Variants in CACNA2D2 observed in about 807,000 individuals in gnomAD.
CACNA2D2 encodes calcium voltage-gated channel auxiliary subunit alpha2delta 2, also known as voltage-dependent calcium channel subunit alpha-2/delta-2.
A neutral mutation model predicts 166.4 loss-of-function variants in CACNA2D2; 48 were observed. The ratio of observed to expected loss-of-function variants is 0.29; its 90% CI spans 0.23 to 0.37. CACNA2D2 has a LOEUF of 0.37. Ranked by LOEUF, CACNA2D2 falls within the 10% of genes least tolerant of loss-of-function variation. The pLI is 1.00. For synonymous variants in CACNA2D2, 561 were observed against 573.7 expected (o/e 0.98, Z 0.32); for missense variants, 1,122 against 1,433.0 (o/e 0.78, Z 3.50).
intron 2 of CACNA2D2, among the ~76,000 whole-genome samples, chr3:50,470,237 A>C (rs555138188): frequency 6.6e-6 from 1 of 152,292 alleles, no homozygotes; most frequent in South Asian, 2.1e-4. Context: ...CAATACCCTC[A>C]TTCCAGGGGG....
chr3:50,407,059 A>T (rs1706746786), intron 3 of CACNA2D2, among the ~76,000 whole-genome samples: 1 of 151,812 alleles, frequency 6.6e-6, no homozygotes, highest in South Asian at 2.1e-4. Flanking sequence ...TGCTTGATCT[A>T]GGTATCTGTG....
At chr3:50,490,887 C>T (rs1372926884) in intron 1 of CACNA2D2, among the ~76,000 whole-genome samples, 2 of 152,132 alleles carry the variant, frequency 1.3e-5, no homozygotes, top group Non-Finnish European at 2.9e-5. Flanking sequence ...CTGACCCAGA[C>T]AAGGAGGTCA....
chr3:50,379,873 G>C lies in CACNA2D2; in HGVS notation c.894-49C>G. 6.2e-7 allele frequency: 1 copy of C among 1,611,936 alleles called. No individual in the cohort carries two copies. The highest frequency in any genetic ancestry group is 8.5e-7 in the Non-Finnish European group (1 of 1,178,236). ...TGGAGGAGCCAGGGGAACCTCACGT[G>C]TTCTCCTGCCCATCCCCCAAGATGT... On this transcript the variant is annotated intron_variant, in intron 9 of 37. Coordinates refer to ENST00000424201, the MANE Select transcript of CACNA2D2 (RefSeq NM_006030.4). The surrounding 1 kb of genome is among the most constrained non-coding windows in gnomAD (Gnocchi z 6.5).
chr3:50,489,761 C>T (rs1698446422), intron 1 of CACNA2D2, among the ~76,000 whole-genome samples: 2 of 152,054 alleles, frequency 1.3e-5, no homozygotes, highest in Non-Finnish European at 2.9e-5. Flanking sequence ...GTGATCTCCC[C>T]AGGACCTCCA....
intron 2 of CACNA2D2, among the ~76,000 whole-genome samples, chr3:50,469,675 A>G (rs1231525341): frequency 1.3e-5 from 2 of 152,184 alleles, no homozygotes; most frequent in Non-Finnish European, 2.9e-5. Flanking sequence ...GAGGGAATCA[A>G]GGCTCAGAGA....
chr3:50,430,660 G>A (rs1241108593), intron 3 of CACNA2D2, among the ~76,000 whole-genome samples: 2 of 152,198 alleles, frequency 1.3e-5, no homozygotes, highest in South Asian at 2.1e-4. Context: ...TGATGAGGGG[G>A]TGGTCTTCCT....
In CACNA2D2 at chr3:50,379,191, G is replaced by A. The variant is rs768124649; in HGVS notation, c.1161C>T (p.Ile387=). The part of the protein sequence containing the change: ...YAFDQLQNSN[I]TRANCNKMIM... ...TCATCTTGTTGCAGTTGGCCCGAGT[G>A]ATGTTGGACTGAGGGGAGTGAGGCG... The change falls in exon 12 of 38, where the codon ATC becomes ATT. Residue 387 remains isoleucine, a synonymous_variant. Transcript: ENST00000424201. This position sits in a 1 kb window ranked among gnomAD's most constrained non-coding sequence, Gnocchi z 6.5. The A allele has an allele frequency of 6.2e-7, 1 of 1,613,342 alleles. No individual in the cohort carries two copies. Among genetic ancestry groups the A allele is most frequent in the African/African-American group, 1.3e-5 (1 of 74,910 alleles).
chr3:50,410,481 G>A (rs1338834772), intron 3 of CACNA2D2, among the ~76,000 whole-genome samples: 1 of 51,144 alleles, frequency 2.0e-5, no homozygotes, highest in Non-Finnish European at 3.5e-5. Flanking sequence ...TCCCTGGGAT[G>A]GGGGGGGGGG....
At chr3:50,462,101 C>T (rs9863307) in intron 2 of CACNA2D2, among the ~76,000 whole-genome samples, 14,748 of 152,126 alleles carry the variant, frequency 0.097, 2,089 homozygotes, top group African/African-American at 0.31. Flanking sequence ...AAACTAACAA[C>T]AGCTGGGCAC....
chr3:50,451,422 G>A (rs1023683170), intron 2 of CACNA2D2, among the ~76,000 whole-genome samples: 12 of 151,792 alleles, frequency 7.9e-5, no homozygotes, highest in African/African-American at 2.2e-4. Flanking sequence ...CAACACGCAC[G>A]GCCCAGGGGC....
chr3:50,384,061 G>C, intron 6 of CACNA2D2, 135 bp downstream of exon 6: 1 of 1,082,514 alleles, frequency 9.2e-7, no homozygotes, highest in Non-Finnish European at 1.4e-6. Flanking sequence ...GAGGTGCGCA[G>C]GAGTAATCTC....
chr3:50,400,500 A>G (rs935030373), intron 3 of CACNA2D2, among the ~76,000 whole-genome samples: 1 of 152,190 alleles, frequency 6.6e-6, no homozygotes. Context: ...ATGTGCTCAG[A>G]GCTTTATGGA....
intron 1 of CACNA2D2, among the ~76,000 whole-genome samples, chr3:50,498,791 T>C (rs1012801778): frequency 1.3e-5 from 2 of 152,142 alleles, no homozygotes; most frequent in African/African-American, 4.8e-5. Flanking sequence ...TTCCCAGAGA[T>C]TCAGGCTTCA....
Position 50,367,473 on chromosome 3 carries a change from G to T in CACNA2D2, c.2322C>A (p.Asn774Lys), listed in dbSNP as rs768889618. 6.2e-7 allele frequency: 1 copy of T among 1,613,952 alleles called. No homozygotes were observed. The highest frequency in any genetic ancestry group is 8.5e-7 in the Non-Finnish European group (1 of 1,179,994). ...AGAAGCTGGCATTGAAGGGCTCAGGGTTCTCTGTCCAGTCCTCAGCTGCCC... is the reference window on the plus strand; with the variant it reads ...AGAAGCTGGCATTGAAGGGCTCAGGTTTCTCTGTCCAGTCCTCAGCTGCCC... ...PNKAAEDWTENPEPFNASFYR... is the reference protein window; with the variant it reads ...PNKAAEDWTEKPEPFNASFYR... Residue 774 changes from asparagine (N) to lysine (K), a missense_variant, in exon 27 of 38, where the codon AAC becomes AAA. Asn to Lys is a moderately conservative substitution (Grantham distance 94). This residue lies in a region of CACNA2D2 where 840 missense variants were observed against 1,166.8 expected (regional missense o/e 0.72). Coordinates refer to ENST00000424201, the MANE Select transcript of CACNA2D2 (RefSeq NM_006030.4). The surrounding 1 kb of genome is among the most constrained non-coding windows in gnomAD (Gnocchi z 6.5).
At chr3:50,386,268 G>A (rs1705601545) in intron 5 of CACNA2D2, among the ~76,000 whole-genome samples, 1 of 152,166 alleles carries the variant, frequency 6.6e-6, no homozygotes, top group African/African-American at 2.4e-5. Flanking sequence ...AGTTGAGGCT[G>A]CTGGAGGTAG....
At chr3:50,397,446 G>A (rs973217733) in intron 3 of CACNA2D2, among the ~76,000 whole-genome samples, 4 of 152,154 alleles carry the variant, frequency 2.6e-5, no homozygotes, top group African/African-American at 9.7e-5. Flanking sequence ...GCCTGAGGAT[G>A]AGAGGACTGG....
intron 15 of CACNA2D2, 98 bp downstream of exon 15, chr3:50,377,910 G>A: frequency 6.7e-7 from 1 of 1,497,642 alleles, no homozygotes; most frequent in Non-Finnish European, 9.2e-7. Flanking sequence ...CCTGTGCTTG[G>A]TTTACCCCAT....
chr3:50,476,007 C>CCA (rs1375183078), intron 2 of CACNA2D2, 111 bp downstream of exon 2: 36 of 941,110 alleles, frequency 3.8e-5, no homozygotes, highest in Admixed American at 2.1e-5. Context: ...TCAGGTCCCA[C>CCA]CACACCAGGA....
intron 3 of CACNA2D2, among the ~76,000 whole-genome samples, chr3:50,397,759 TTA>T (rs1256274355): frequency 1.3e-5 from 2 of 152,192 alleles, no homozygotes; most frequent in African/African-American, 4.8e-5. Context: ...TTCTGCCTGG[TTA>T]GCCCTATCAG....
Sources: allele counts gnomAD v4.1 joint callset (sites outside exome capture counted in the v4.1 genomes callset), GRCh38; gene constraint gnomAD v4.1.1; regional missense constraint gnomAD v4.1.1; non-coding constraint Gnocchi (gnomAD v3.1); transcripts MANE v1.5; gene names NCBI Gene and HGNC (gene_info 2026-07-23, HGNC 2026-07-21).